The following UVRAG variants were observed in gnomAD, a reference collection of about 807,000 sequenced individuals.
UVRAG encodes the protein UV radiation resistance associated.
A neutral mutation model predicts 78.0 loss-of-function variants in UVRAG; 19 were observed. The observed-to-expected ratio is 0.24, with a 90% CI of 0.17 to 0.36. The LOEUF is 0.36. Among genes scored for constraint, UVRAG ranks in the 10% least tolerant of loss-of-function variants. The probability of loss-of-function intolerance (pLI) is 1.00; values close to 1 mark genes in which losing one functional copy is unlikely to be tolerated. For synonymous variants in UVRAG, 323 were observed against 324.6 expected (o/e 1.00, Z 0.05); for missense variants, 740 against 853.8 (o/e 0.87, Z 1.66).
At chr11:75,974,951 C>T (rs554134531) in intron 7 of UVRAG, among the ~76,000 whole-genome samples, 4 of 152,246 alleles carry the variant, frequency 2.6e-5, no homozygotes, top group Non-Finnish European at 5.9e-5. Flanking sequence ...AAGTCCTTGC[C>T]CATGCCTTTG....
intron 6 of UVRAG, among the ~76,000 whole-genome samples, chr11:75,915,489 CATTT>C (rs1947829967): frequency 6.6e-6 from 1 of 152,186 alleles, no homozygotes; most frequent in Admixed American, 6.5e-5. Flanking sequence ...TAAAAGTAGA[CATTT>C]AATTAATAGC....
intron 1 of UVRAG, among the ~76,000 whole-genome samples, chr11:75,841,389 TAGAC>T (rs1193317549): frequency 2.0e-5 from 3 of 152,212 alleles, no homozygotes; most frequent in African/African-American, 4.8e-5. Context: ...GAAGAGTATG[TAGAC>T]AGACAGGGTG....
In UVRAG at chr11:75,879,921, C is replaced by G. The variant is rs773553252; in HGVS notation, c.313C>G (p.Arg105Gly). The G allele has an allele frequency of 1.9e-6, 3 of 1,614,070 alleles. No individual in the cohort carries two copies. The highest frequency in any genetic ancestry group is 2.5e-6 in the Non-Finnish European group (3 of 1,179,980). The change falls in exon 4 of 15, where the codon CGT becomes GGT. Residue 105 changes from arginine (R) to glycine (G), a missense_variant. Coordinates refer to ENST00000356136, the MANE Select transcript of UVRAG (RefSeq NM_003369.4). Reference sequence around the variant, plus strand: ...TCTCGATTTTGGAATTATGCCAGACCGTCTTGATACATCTGTGTCTTGTTT... The same window carrying G: ...TCTCGATTTTGGAATTATGCCAGACGGTCTTGATACATCTGTGTCTTGTTT... ...RSLDFGIMPD[R>G]LDTSVSCFVV...
chr11:75,951,662 G>A (rs992001528), intron 6 of UVRAG, among the ~76,000 whole-genome samples: 6 of 152,196 alleles, frequency 3.9e-5, no homozygotes, highest in East Asian at 1.9e-4. Context: ...GATTACAGGC[G>A]TGAACCACCG....
chr11:75,899,478 G>A (rs1055381940), intron 5 of UVRAG, among the ~76,000 whole-genome samples: 2 of 152,044 alleles, frequency 1.3e-5, no homozygotes, highest in African/African-American at 2.4e-5. Context: ...TAGTTCTCCT[G>A]CTTTTATGAG....
chr11:75,842,909 A>T (rs1945948094), intron 1 of UVRAG, among the ~76,000 whole-genome samples: 1 of 152,130 alleles, frequency 6.6e-6, no homozygotes, highest in Non-Finnish European at 1.5e-5. Flanking sequence ...TGTGTGTGGG[A>T]TGGTTTAGTT....
At chr11:75,981,710 C>CAAA (rs1949399238) in intron 7 of UVRAG, among the ~76,000 whole-genome samples, 3 of 152,024 alleles carry the variant, frequency 2.0e-5, no homozygotes, top group Non-Finnish European at 4.4e-5. Context: ...GGTATAGTTA[C>CAAA]ACAGGTCCCT....
intron 12 of UVRAG, among the ~76,000 whole-genome samples, chr11:76,039,013 G>C (rs993981553): frequency 2.6e-5 from 4 of 152,224 alleles, no homozygotes; most frequent in African/African-American, 9.6e-5. Context: ...TGTGCCTAGA[G>C]TTCTGACCTA....
chr11:76,024,546 T>G (rs931140022), intron 12 of UVRAG, among the ~76,000 whole-genome samples: 1 of 152,188 alleles, frequency 6.6e-6, no homozygotes, highest in Admixed American at 6.6e-5. Flanking sequence ...AGATGCATCT[T>G]ATAATTAATG....
chr11:76,054,703 G>A (rs1401850326), intron 12 of UVRAG, among the ~76,000 whole-genome samples: 5 of 152,134 alleles, frequency 3.3e-5, no homozygotes, highest in African/African-American at 1.2e-4. Flanking sequence ...ACTTCCTTCA[G>A]GTTTTTGTTC....
At chr11:75,823,836 GT>G (rs974647014) in intron 1 of UVRAG, among the ~76,000 whole-genome samples, 4 of 152,142 alleles carry the variant, frequency 2.6e-5, no homozygotes, top group African/African-American at 9.7e-5. Context: ...CTCATGTACA[GT>G]TTTTTTGTTT....
chr11:76,101,096 A>G (rs1231430568), intron 13 of UVRAG, among the ~76,000 whole-genome samples: 1 of 147,594 alleles, frequency 6.8e-6, no homozygotes, highest in African/African-American at 2.7e-5. Flanking sequence ...TTATGATAAA[A>G]CGATTTGTAT....
At chr11:75,947,041 C>T (rs1251428005) in intron 6 of UVRAG, among the ~76,000 whole-genome samples, 1 of 152,104 alleles carries the variant, frequency 6.6e-6, no homozygotes, top group Non-Finnish European at 1.5e-5. Flanking sequence ...TTCTTGCATG[C>T]GTGTGGAGAG....
chr11:76,091,584 A>G (rs935100297), intron 13 of UVRAG, among the ~76,000 whole-genome samples: 56 of 151,168 alleles, frequency 3.7e-4, no homozygotes, highest in African/African-American at 1.3e-3. Flanking sequence ...TTTTTGTTCT[A>G]CCTCTGGAGA....
chr11:76,006,806 G>A (rs1268231578), intron 9 of UVRAG, among the ~76,000 whole-genome samples: 1 of 151,300 alleles, frequency 6.6e-6, no homozygotes, highest in East Asian at 1.9e-4. Flanking sequence ...GTGAAATATA[G>A]AATACTTTTT....
intron 2 of UVRAG, among the ~76,000 whole-genome samples, chr11:75,858,414 T>C (rs1405407886): frequency 6.6e-6 from 1 of 152,224 alleles, no homozygotes; most frequent in Non-Finnish European, 1.5e-5. Flanking sequence ...TCTTAGGGTT[T>C]TCTCCATATT....
intron 5 of UVRAG, among the ~76,000 whole-genome samples, chr11:75,893,009 C>A (rs1003187230): frequency 3.3e-5 from 5 of 152,018 alleles, no homozygotes; most frequent in African/African-American, 1.2e-4. Context: ...GAAACCCCAT[C>A]TCTACTAAAA....
At chr11:75,927,072 T>G (rs1948123685) in intron 6 of UVRAG, among the ~76,000 whole-genome samples, 1 of 130,478 alleles carries the variant, frequency 7.7e-6, no homozygotes, top group South Asian at 2.5e-4. Context: ...GCAAAGGCAT[T>G]TTTTTTTTTT....
intron 14 of UVRAG, among the ~76,000 whole-genome samples, chr11:76,116,600 A>T (rs1191859048): frequency 6.6e-6 from 1 of 152,234 alleles, no homozygotes; most frequent in African/African-American, 2.4e-5. Context: ...GGGAAGTCTG[A>T]TAGAAAGAAG....
Sources: gnomAD v4.1 joint callset for allele counts (sites outside exome capture counted in the v4.1 genomes callset) on GRCh38, gnomAD v4.1.1 for gene constraint, MANE v1.5 for transcripts, NCBI Gene and HGNC (gene_info 2026-07-23, HGNC 2026-07-21) for gene names.